Variants in HERC3 observed in about 807,000 individuals in gnomAD.
HERC3 encodes the protein probable E3 ubiquitin-protein ligase HERC3.
HERC3 carries 58 observed loss-of-function variants against 129.9 expected under a neutral mutation model. That is an observed-to-expected ratio of 0.45 (90% CI 0.36 to 0.56). The LOEUF (loss-of-function observed/expected upper bound fraction) is 0.56. Ranked by LOEUF, HERC3 falls within the 20% of genes least tolerant of loss-of-function variation. HERC3 has a pLI of 0.00. For missense variants in HERC3, 835 were observed against 1,244.2 expected, an observed-to-expected ratio of 0.67 and a Z score of 4.95; for synonymous variants, 430 against 451.0, an observed-to-expected ratio of 0.95 and a Z score of 0.59.
At chr4:88,617,960 G>A (rs1374775531) in intron 3 of HERC3, among the ~76,000 whole-genome samples, 2 of 152,242 alleles carry the variant, frequency 1.3e-5, no homozygotes, top group African/African-American at 4.8e-5. Flanking sequence ...TTCCCTCAAG[G>A]AAGTGGAGGC....
At chr4:88,653,470 T>C (rs1441365656) in intron 6 of HERC3, among the ~76,000 whole-genome samples, 3 of 152,052 alleles carry the variant, frequency 2.0e-5, no homozygotes, top group Non-Finnish European at 4.4e-5. Context: ...AGAGATGTAG[T>C]TGGAGAGAAG....
intron 3 of HERC3, among the ~76,000 whole-genome samples, chr4:88,645,931 C>T (rs558402746): frequency 2.6e-5 from 4 of 152,198 alleles, no homozygotes; most frequent in Non-Finnish European, 5.9e-5. Context: ...TGTGAACAGA[C>T]GATGAGGAAA....
At chr4:88,688,702 A>G (rs1242848576) in intron 23 of HERC3, among the ~76,000 whole-genome samples, 1 of 152,212 alleles carries the variant, frequency 6.6e-6, no homozygotes, top group African/African-American at 2.4e-5. Context: ...ATATATCTCA[A>G]TAAAGAAGTC....
chr4:88,585,372 AT>A, the HERC3 span, among the ~76,000 whole-genome samples: 1 of 152,216 alleles, frequency 6.6e-6, no homozygotes, highest in African/African-American at 2.4e-5. Flanking sequence ...CATGGGGCAC[AT>A]TGATGAAGTG....
chr4:88,636,911 G>A (rs181851298), intron 3 of HERC3, among the ~76,000 whole-genome samples: 72 of 152,238 alleles, frequency 4.7e-4, no homozygotes, highest in African/African-American at 1.6e-3. Flanking sequence ...CGAGGTGGGC[G>A]GATTGCCTGA....
At chr4:88,675,861 A>G (rs535456884) in intron 16 of HERC3, among the ~76,000 whole-genome samples, 29 of 152,228 alleles carry the variant, frequency 1.9e-4, no homozygotes, top group African/African-American at 6.5e-4. Flanking sequence ...TCTAATTTGT[A>G]TTGTCCACTT....
intron 24 of HERC3, 34 bp from the exon 25 acceptor site, chr4:88,704,474 G>A: frequency 7.0e-7 from 1 of 1,426,090 alleles, no homozygotes; most frequent in Non-Finnish European, 9.9e-7. Flanking sequence ...ATTCTTCCAA[G>A]ATACATTTTT....
intron 3 of HERC3, among the ~76,000 whole-genome samples, chr4:88,647,788 C>T (rs1560715353): frequency 6.7e-6 from 1 of 149,840 alleles, no homozygotes; most frequent in Non-Finnish European, 1.5e-5. Context: ...ATCTCACTCC[C>T]TATCATTTCA....
intron 23 of HERC3, chr4:88,697,175 TGGG>T: frequency 8.9e-6 from 13 of 1,466,172 alleles, no homozygotes; most frequent in Non-Finnish European, 1.1e-5. Flanking sequence ...TTTTTCTTCG[TGGG>T]CTTTCTCTTC....
chr4:88,688,973 G>T (rs899716301), intron 23 of HERC3, among the ~76,000 whole-genome samples: 2 of 152,118 alleles, frequency 1.3e-5, no homozygotes, highest in African/African-American at 4.8e-5. Context: ...GAGAATGACA[G>T]TCTTTCTTTG....
In HERC3 at chr4:88,662,562, G is replaced by A. The variant is rs757943983; in HGVS notation, c.1271+7G>A. On this transcript the variant is annotated splice_region_variant and intron_variant, in intron 11 of 25. Coordinates refer to ENST00000402738, the MANE Select transcript of HERC3 (RefSeq NM_014606.3). ...ACAATGCAAATACAATCAAGTATGT[G>A]GCTGCTTGTCTTCATTTTTTTTTCC... 2 of 1,593,104 alleles carry A rather than the reference G, an allele frequency of 1.3e-6. No individual in the cohort carries two copies. Among genetic ancestry groups the A allele is most frequent in the Non-Finnish European group, 1.7e-6 (2 of 1,174,650 alleles).
chr4:88,619,282 A>G (rs1362492077), intron 3 of HERC3, among the ~76,000 whole-genome samples: 4 of 152,172 alleles, frequency 2.6e-5, no homozygotes, highest in African/African-American at 7.2e-5. Context: ...GGACACTTTG[A>G]CTTATTTTTA....
At chr4:88,579,232 A>AAAATATATATAT in the HERC3 span, among the ~76,000 whole-genome samples, 23 of 104,074 alleles carry the variant, frequency 2.2e-4, no homozygotes, top group African/African-American at 1.3e-3. Context: ...AAAAAAAAAA[A>AAAATATATATAT]ATATATATAT....
At chr4:88,560,207 G>A in the HERC3 span, among the ~76,000 whole-genome samples, 1 of 152,024 alleles carries the variant, frequency 6.6e-6, no homozygotes, top group Non-Finnish European at 1.5e-5. Flanking sequence ...TGATCCACCC[G>A]CCTCGGCCTC....
chr4:88,576,870 C>A, the HERC3 span, among the ~76,000 whole-genome samples: 1 of 152,126 alleles, frequency 6.6e-6, no homozygotes, highest in Non-Finnish European at 1.5e-5. Context: ...CTTACAGACT[C>A]CTTCCCCTCC....
At position 88,658,466 on chromosome 4, in the gene HERC3, CT is replaced by C; in HGVS notation, c.1125del (p.Phe375LeufsTer19). The part of the protein sequence containing the change: ...VKQIFSGGDQ[T>X]FVLCSKYENY... The stretch of plus-strand genomic sequence containing the variant: ...CAGATCTTCTCTGGAGGAGACCAGA[CT>C]TTTGTACTTTGCTCCAAATACGAGG... On this transcript the variant is annotated frameshift_variant, in exon 10 of 26. Coordinates refer to ENST00000402738, the MANE Select transcript of HERC3 (RefSeq NM_014606.3). LOFTEE classifies it high-confidence loss of function. 1 of 1,602,684 alleles carries C rather than the reference CT, an allele frequency of 6.2e-7. No individual in the cohort carries two copies. Among genetic ancestry groups the C allele is most frequent in the Non-Finnish European group, 8.5e-7 (1 of 1,171,790 alleles).
chr4:88,583,090 A>T, the HERC3 span, among the ~76,000 whole-genome samples: 10 of 152,168 alleles, frequency 6.6e-5, no homozygotes, highest in Admixed American at 6.6e-4. Flanking sequence ...TCCTTACAAC[A>T]TGAAGTTTTA....
chr4:88,662,354 A>G (rs936578944), intron 10 of HERC3, 77 bp from the exon 11 acceptor site: 6 of 1,391,192 alleles, frequency 4.3e-6, no homozygotes, highest in Admixed American at 4.1e-5. Flanking sequence ...AAAATGGAGA[A>G]TATGTGGGAG....
chr4:88,525,126 C>A, the HERC3 span: 1 of 152,260 alleles, frequency 6.6e-6, no homozygotes, highest in South Asian at 2.1e-4. Flanking sequence ...GGAAACACTT[C>A]TACTGGATAG....
Sources: gnomAD v4.1 joint callset for allele counts (sites outside exome capture counted in the v4.1 genomes callset) on GRCh38, gnomAD v4.1.1 for gene constraint, MANE v1.5 for transcripts, NCBI Gene and HGNC (gene_info 2026-07-23, HGNC 2026-07-21) for gene names.